WWC1: variants seen among roughly 807,000 people sequenced by gnomAD.
The protein encoded by WWC1 is protein KIBRA.
A neutral mutation model predicts 138.4 loss-of-function variants in WWC1; 55 were observed. That is an observed-to-expected ratio of 0.40 (90% CI 0.32 to 0.50). The LOEUF (loss-of-function observed/expected upper bound fraction) is 0.50, where lower values mean the gene tolerates loss of function less well. WWC1 is among the 20% of genes least tolerant of loss of function. WWC1 has a pLI of 0.72. For synonymous variants in WWC1, 524 were observed against 564.9 expected, an observed-to-expected ratio of 0.93 and a Z score of 1.03; for missense variants, 1,226 against 1,420.4, an observed-to-expected ratio of 0.86 and a Z score of 2.20.
At chr5:168,447,716 G>GT (rs1455693082) in intron 17 of WWC1, among the ~76,000 whole-genome samples, 3 of 151,898 alleles carry the variant, frequency 2.0e-5, no homozygotes, top group Non-Finnish European at 4.4e-5. Context: ...TGGAATTTTT[G>GT]TATGTTCCTT....
In WWC1 at chr5:168,397,733, G is replaced by A. The variant is rs1164223947; in HGVS notation, c.443G>A (p.Gly148Asp). 1.9e-6 allele frequency: 3 copies of A among 1,613,756 alleles called. No homozygotes were observed. The African/African-American group carries it at 4.0e-5, about 22-fold the overall frequency. Residue 148 changes from glycine (G) to aspartate (D), a missense_variant, in exon 4 of 23, where the codon GGT (glycine) becomes GAT (aspartate). By Grantham distance (94) the Gly-to-Asp change is moderately conservative. Around this residue, in one of 3 missense-constraint regions of WWC1, gnomAD observed 1,016 missense variants for 1,153.9 expected, o/e 0.88. Transcript: ENST00000265293. ...KLGSQVSLVS[G>D]SSSSSKYDPE... ...TCTTTTTTCCTTACAGTGGTCTCTG[G>A]TTCATCATCCAGCTCCAAGTATGAC...
At chr5:168,460,382 G>C (rs1756701022) in intron 19 of WWC1, among the ~76,000 whole-genome samples, 1 of 152,228 alleles carries the variant, frequency 6.6e-6, no homozygotes, top group Non-Finnish European at 1.5e-5. Flanking sequence ...TATCACATGG[G>C]GTTGTTGGAA....
intron 2 of WWC1, among the ~76,000 whole-genome samples, chr5:168,376,178 T>C (rs1306146880): frequency 1.3e-5 from 2 of 152,054 alleles, no homozygotes; most frequent in Non-Finnish European, 2.9e-5. Flanking sequence ...CTCAGCCTCC[T>C]GAATAGCTGG....
chr5:168,366,715 G>A (rs1776317098), intron 1 of WWC1, among the ~76,000 whole-genome samples: 1 of 151,884 alleles, frequency 6.6e-6, no homozygotes, highest in South Asian at 2.1e-4. Context: ...ACACATTTTC[G>A]GGGTTTCAGT....
At chr5:168,356,917 C>A (rs1227442130) in intron 1 of WWC1, among the ~76,000 whole-genome samples, 1 of 152,120 alleles carries the variant, frequency 6.6e-6, no homozygotes, top group East Asian at 1.9e-4. Context: ...AATCCTGGCC[C>A]TACCTAGGGC....
At chr5:168,368,545 G>C (rs1776499616) in intron 1 of WWC1, among the ~76,000 whole-genome samples, 1 of 152,164 alleles carries the variant, frequency 6.6e-6, no homozygotes, top group Non-Finnish European at 1.5e-5. Context: ...TCTGGGCACA[G>C]TGCAGGTGGA....
chr5:168,450,816 A>G (rs1200390486), intron 17 of WWC1, among the ~76,000 whole-genome samples: 1 of 152,208 alleles, frequency 6.6e-6, no homozygotes. Flanking sequence ...AAACTATAAA[A>G]GAAAAAAATC....
intron 1 of WWC1, among the ~76,000 whole-genome samples, chr5:168,319,849 C>T (rs566881788): frequency 6.6e-6 from 1 of 152,162 alleles, no homozygotes; most frequent in Non-Finnish European, 1.5e-5. Context: ...CTGTTTTCCA[C>T]TATTTTACAT....
chr5:168,298,956 G>T lies in WWC1; in HGVS notation c.119+6685G>T, dbSNP rs10038320. Among the ~76,000 whole-genome samples, 896 of 152,278 alleles carry T rather than the reference G, an allele frequency of 5.9e-3. 14 individuals carry two copies. The highest frequency in any genetic ancestry group is 0.021 in the African/African-American group (859 of 41,554). On this transcript the variant is annotated intron_variant, in intron 1 of 22. Transcript: ENST00000265293. ...AAATATTAGCCAGGTGTGGTGGCAC[G>T]CACCTGTAATCCCAGCTACTCAGGA...
At position 168,454,078 on chromosome 5, in the gene WWC1, T is replaced by C. The variant is rs371205335; in HGVS notation, c.2636T>C (p.Met879Thr). 11 of 1,612,454 alleles carry C rather than the reference T, an allele frequency of 6.8e-6. No individual in the cohort carries two copies. In the East Asian group the frequency reaches 8.9e-5, roughly 13 times the overall value. ...TTCACCGAGAAAGCCTCACCTGATA[T>C]GGATGGGTACCCAGCATTAAAGGTA... ...DVFTEKASPD[M>T]DGYPALKVDK... The change falls in exon 18 of 23, where the codon ATG becomes ACG. Residue 879 changes from methionine to threonine, a missense_variant. This residue lies in a region of WWC1 where 1,016 missense variants were observed against 1,153.9 expected (regional missense o/e 0.88). Transcript: ENST00000265293.
intron 8 of WWC1, chr5:168,414,127 T>G: frequency 1.7e-6 from 1 of 577,928 alleles, no homozygotes; most frequent in Non-Finnish European, 3.0e-6. Flanking sequence ...GCCTTGTTCA[T>G]GTCTGCACCC....
chr5:168,321,247 G>A (rs1193831717), intron 1 of WWC1, among the ~76,000 whole-genome samples: 4 of 152,094 alleles, frequency 2.6e-5, no homozygotes, highest in Admixed American at 6.6e-5. Context: ...TTCCCAGAGC[G>A]GATTTCCAAC....
At chr5:168,468,300 G>A (rs538015585) in intron 22 of WWC1, among the ~76,000 whole-genome samples, 1 of 152,264 alleles carries the variant, frequency 6.6e-6, no homozygotes, top group South Asian at 2.1e-4. Flanking sequence ...AGGGGTGATG[G>A]ATGCTCGCTG....
intron 1 of WWC1, among the ~76,000 whole-genome samples, chr5:168,357,719 G>A (rs1445587134): frequency 2.0e-5 from 3 of 152,032 alleles, no homozygotes; most frequent in Non-Finnish European, 2.9e-5. Flanking sequence ...TATTCCAGCC[G>A]CCTTCAGCTC....
intron 4 of WWC1, among the ~76,000 whole-genome samples, chr5:168,398,280 T>G (rs1007466177): frequency 3.3e-5 from 5 of 150,294 alleles, no homozygotes; most frequent in Non-Finnish European, 7.4e-5. Context: ...ATTTTTTGTA[T>G]TTTTAGTAGA....
In WWC1 at chr5:168,292,809, C is replaced by T. The variant is rs1293225369; in HGVS notation, c.119+538C>T. On this transcript the variant is annotated intron_variant, in intron 1 of 22. Coordinates refer to ENST00000265293, the MANE Select transcript of WWC1 (RefSeq NM_015238.3). This position sits in a 1 kb window ranked among gnomAD's most constrained non-coding sequence, Gnocchi z 4.4. ...CTGAGGTGTGCTTTTTGACAGGTGC[C>T]TTGGAAGCTGCTGAGAACAGCACAG... Among the ~76,000 whole-genome samples, 1 of 152,060 alleles carries T rather than the reference C, an allele frequency of 6.6e-6. No homozygotes were observed. Among genetic ancestry groups the T allele is most frequent in the Admixed American group, 6.5e-5 (1 of 15,274 alleles).
chr5:168,428,651 A>T, intron 12 of WWC1, 56 bp from the exon 13 acceptor site: 1 of 1,564,162 alleles, frequency 6.4e-7, no homozygotes, highest in Non-Finnish European at 8.8e-7. Context: ...TCAGCCTCCC[A>T]GAATAGTTTG....
At chr5:168,340,164 C>T (rs71603856) in intron 1 of WWC1, among the ~76,000 whole-genome samples, 38 of 152,134 alleles carry the variant, frequency 2.5e-4, no homozygotes, top group Non-Finnish European at 4.4e-4. Flanking sequence ...CAACCTCCAC[C>T]TCCCGGGTTC....
chr5:168,456,570 C>T (rs1482115263), intron 19 of WWC1, among the ~76,000 whole-genome samples: 2 of 152,102 alleles, frequency 1.3e-5, no homozygotes, highest in African/African-American at 2.4e-5. Context: ...GCAGAGGTTG[C>T]AGTAAGCTGA....
Sources: allele counts gnomAD v4.1 joint callset (sites outside exome capture counted in the v4.1 genomes callset), GRCh38; gene constraint gnomAD v4.1.1; regional missense constraint gnomAD v4.1.1; non-coding constraint Gnocchi (gnomAD v3.1); transcripts MANE v1.5; gene names NCBI Gene and HGNC (gene_info 2026-07-23, HGNC 2026-07-21).